The following ARID4A variants were observed in gnomAD, a reference collection of about 807,000 sequenced individuals.
ARID4A encodes the protein AT-rich interaction domain 4A, also known as AT-rich interactive domain-containing protein 4A.
ARID4A carries 39 observed loss-of-function variants against 148.6 expected under a neutral mutation model. The ratio of observed to expected loss-of-function variants is 0.26; its 90% CI spans 0.20 to 0.34. The LOEUF (loss-of-function observed/expected upper bound fraction) is 0.34. Ranked by LOEUF, ARID4A falls within the 10% of genes least tolerant of loss-of-function variation. ARID4A has a pLI of 1.00. For missense variants in ARID4A, 1,265 were observed against 1,449.1 expected, an observed-to-expected ratio of 0.87 and a Z score of 2.06; for synonymous variants, 475 against 481.2, an observed-to-expected ratio of 0.99 and a Z score of 0.17.
intron 3 of ARID4A, among the ~76,000 whole-genome samples, chr14:58,303,023 G>T (rs2031309492): frequency 6.6e-6 from 1 of 151,692 alleles, no homozygotes; most frequent in South Asian, 2.1e-4. Context: ...GGTGGTTCCT[G>T]CCAGTAATTT....
chr14:58,305,084 A>G (rs2031497433), intron 4 of ARID4A, 75 bp downstream of exon 4: 7 of 1,242,604 alleles, frequency 5.6e-6, no homozygotes, highest in Middle Eastern at 2.7e-4. Context: ...ACATTTCTAC[A>G]TAGACTTAAC....
chr14:58,317,452 T>G (rs1287879575), intron 5 of ARID4A, among the ~76,000 whole-genome samples: 1 of 147,716 alleles, frequency 6.8e-6, no homozygotes, highest in Non-Finnish European at 1.5e-5. Flanking sequence ...GTCTGGCTAA[T>G]TTTTTTTGTA....
intron 15 of ARID4A, 59 bp from the exon 16 acceptor site, chr14:58,351,014 T>C: frequency 6.7e-7 from 1 of 1,495,174 alleles, no homozygotes; most frequent in Non-Finnish European, 8.9e-7. Flanking sequence ...AGATATTTTT[T>C]CCTGCTTTTT....
chr14:58,305,747 T>C (rs549559911), intron 4 of ARID4A, among the ~76,000 whole-genome samples: 36 of 152,326 alleles, frequency 2.4e-4, no homozygotes, highest in African/African-American at 8.7e-4. Context: ...TGGGCTGTCA[T>C]GCTGGACTCT....
At chr14:58,314,564 T>G (rs1287240377) in intron 5 of ARID4A, among the ~76,000 whole-genome samples, 1 of 152,174 alleles carries the variant, frequency 6.6e-6, no homozygotes, top group Non-Finnish European at 1.5e-5. Flanking sequence ...TAGTTAGGAC[T>G]ACAAGCACCT....
intron 15 of ARID4A, among the ~76,000 whole-genome samples, chr14:58,349,892 C>T (rs1182435010): frequency 6.6e-6 from 1 of 151,844 alleles, no homozygotes; most frequent in African/African-American, 2.4e-5. Flanking sequence ...GGGCGGATCA[C>T]GAGGTCAAGA....
At position 58,303,628 on chromosome 14, in the gene ARID4A, GTTGAATGAA is replaced by G. The variant is rs1412008587; in HGVS notation, c.118-1314_118-1306del. 6.7e-6 allele frequency: 3 copies of G among 449,604 alleles called. No homozygotes were observed. The East Asian group carries it at 2.1e-4, about 32-fold the overall frequency. The allele number at this position is 449,604 out of a possible 1,614,324, so 27.9% of individuals were successfully genotyped here. ...GATACATAGTGGACCCTCAAAATTT[GTTGAATGAA>G]TCAGTGAACTAGAGCAGTGATTCCT... On this transcript the variant is annotated intron_variant, in intron 3 of 23. Coordinates refer to ENST00000355431, the MANE Select transcript of ARID4A (RefSeq NM_002892.4).
Position 58,329,452 on chromosome 14 carries a change from A to G in ARID4A, c.663-76A>G, listed in dbSNP as rs191200617. On this transcript the variant is annotated intron_variant, in intron 9 of 23. Transcript: ENST00000355431. ...TTGATTTTGAGGTTTTTATTTTTCT[A>G]TGTGTTAACATGAACTATTTAAGTG... is the stretch of plus-strand genomic sequence containing the variant. 5.7e-5 allele frequency: 53 copies of G among 934,762 alleles called. No homozygotes were observed. The African/African-American group carries it at 7.5e-4, about 13-fold the overall frequency. 57.9% of individuals were successfully genotyped at this position (934,762 alleles called of 1,614,324 possible).
intron 17 of ARID4A, among the ~76,000 whole-genome samples, chr14:58,356,576 A>G (rs1204945547): frequency 6.6e-6 from 1 of 152,128 alleles, no homozygotes; most frequent in Non-Finnish European, 1.5e-5. Flanking sequence ...TGAGTGAGAG[A>G]TAGTTTTCAA....
chr14:58,320,829 G>A (rs934415847), intron 7 of ARID4A, among the ~76,000 whole-genome samples: 2 of 151,990 alleles, frequency 1.3e-5, no homozygotes, highest in Non-Finnish European at 2.9e-5. Context: ...GGATGGTCTC[G>A]ATCTCCTGAC....
chr14:58,303,636 A>C lies in ARID4A; in HGVS notation c.118-1308A>C, dbSNP rs1306531700. 4 of 445,752 alleles carry C rather than the reference A, an allele frequency of 9.0e-6. No individual in the cohort carries two copies. The East Asian group carries it at 2.9e-4, about 32-fold the overall frequency. 27.6% of individuals were successfully genotyped at this position (445,752 alleles called of 1,614,324 possible). On this transcript the variant is annotated intron_variant, in intron 3 of 23. Coordinates refer to ENST00000355431, the MANE Select transcript of ARID4A (RefSeq NM_002892.4). Reference sequence around the variant, plus strand: ...GTGGACCCTCAAAATTTGTTGAATGAATCAGTGAACTAGAGCAGTGATTCC... The same window carrying C: ...GTGGACCCTCAAAATTTGTTGAATGCATCAGTGAACTAGAGCAGTGATTCC...
At chr14:58,306,762 C>G (rs768739127) in intron 5 of ARID4A, among the ~76,000 whole-genome samples, 2 of 152,106 alleles carry the variant, frequency 1.3e-5, no homozygotes, top group Non-Finnish European at 2.9e-5. Flanking sequence ...GCCTGTAATC[C>G]CAGCTACTCT....
rs1429149366 is a variant in ARID4A, at chr14:58,365,203, A to T, written c.3114A>T (p.Glu1038Asp). The change falls in exon 20 of 24, where the codon GAA becomes GAT. Residue 1038 changes from glutamate (E) to aspartate (D), a missense_variant. Physicochemically the swap from Glu to Asp is conservative, Grantham distance 45. Transcript: ENST00000355431. ...EVDSIAEESQ[E>D]GLCERESANG... ...ATAGTATTGCTGAAGAATCTCAAGA[A>T]GGTCTCTGTGAGAGGGAATCGGCAA... is the stretch of plus-strand genomic sequence containing the variant. The T allele has an allele frequency of 1.9e-6, 3 of 1,614,168 alleles. No individual in the cohort carries two copies. The highest frequency in any genetic ancestry group is 2.5e-6 in the Non-Finnish European group (3 of 1,180,004).
intron 11 of ARID4A, among the ~76,000 whole-genome samples, chr14:58,338,135 T>C (rs781005787): frequency 8.5e-5 from 13 of 152,188 alleles, no homozygotes. Context: ...ACGCAAGTTT[T>C]AAAAACTCAG....
chr14:58,347,455 G>A (rs1338911958), intron 14 of ARID4A, among the ~76,000 whole-genome samples, 192 bp from the exon 15 acceptor site: 2 of 152,254 alleles, frequency 1.3e-5, no homozygotes, highest in East Asian at 1.9e-4. Flanking sequence ...AGACGTCTCA[G>A]GACGGCATTT....
At chr14:58,355,199 G>T (rs2140250106) in intron 17 of ARID4A, among the ~76,000 whole-genome samples, 1 of 152,246 alleles carries the variant, frequency 6.6e-6, no homozygotes, top group East Asian at 1.9e-4. Context: ...CTGCTCCTGG[G>T]TTTCTCTATA....
chr14:58,299,974 A>G (rs1165912317), intron 2 of ARID4A, 114 bp downstream of exon 2: 2 of 1,472,436 alleles, frequency 1.4e-6, no homozygotes, highest in African/African-American at 2.8e-5. Flanking sequence ...CCTACTGATC[A>G]GCAGTTTCGG....
In ARID4A at chr14:58,372,510, G is replaced by A. The variant is rs1372047973; in HGVS notation, c.*521G>A. On this transcript the variant is annotated 3_prime_UTR_variant, in exon 24 of 24. Transcript: ENST00000355431. ...TGCCAAAGTATATGTTCAGCAGTGT[G>A]CCCAGGATTGAAGGTGTAAATGGGA... The A allele has an allele frequency of 4.6e-6, 1 of 219,772 alleles. No individual in the cohort carries two copies. The highest frequency in any genetic ancestry group is 9.1e-6 in the Non-Finnish European group (1 of 109,488). The allele number at this position is 219,772 out of a possible 1,614,324, so 13.6% of individuals were successfully genotyped here.
At chr14:58,361,715 AC>A (rs1254151398) in intron 19 of ARID4A, among the ~76,000 whole-genome samples, 2 of 152,118 alleles carry the variant, frequency 1.3e-5, no homozygotes, top group African/African-American at 4.8e-5. Context: ...TTAAAAGGTT[AC>A]CCGTACACTA....
Sources: gnomAD v4.1 joint callset for allele counts (sites outside exome capture counted in the v4.1 genomes callset) on GRCh38, gnomAD v4.1.1 for gene constraint, MANE v1.5 for transcripts, NCBI Gene and HGNC (gene_info 2026-07-23, HGNC 2026-07-21) for gene names.